Variants in FKBP3 observed in about 807,000 individuals in gnomAD.
FKBP3 encodes peptidyl-prolyl cis-trans isomerase FKBP3.
Under a neutral mutation model 30.6 loss-of-function variants are expected in FKBP3, and 21 were observed. The ratio of observed to expected loss-of-function variants is 0.69; its 90% confidence interval spans 0.49 to 0.99. The LOEUF is 0.99. Ranked by LOEUF, FKBP3 falls within the 50% of genes least tolerant of loss-of-function variation. The probability of loss-of-function intolerance (pLI) is 0.00; values close to 1 mark genes in which losing one functional copy is unlikely to be tolerated. For missense variants in FKBP3, 283 were observed against 261.6 expected (o/e 1.08, Z -0.56); for synonymous variants, 82 against 91.3 (o/e 0.90, Z 0.58).
At chr14:45,120,712 G>A (rs1369078281) in intron 5 of FKBP3, among the ~76,000 whole-genome samples, 175 bp downstream of exon 5, 3 of 152,026 alleles carry the variant, frequency 2.0e-5, no homozygotes, top group Non-Finnish European at 2.9e-5. Context: ...TATATGTAGC[G>A]AAACTGAGAC....
At chr14:45,122,561 T>C (rs1885008528) in intron 3 of FKBP3, among the ~76,000 whole-genome samples, 1 of 152,046 alleles carries the variant, frequency 6.6e-6, no homozygotes, top group Non-Finnish European at 1.5e-5. Context: ...AGTGCAGCGG[T>C]GTGATCTCGG....
intron 5 of FKBP3, 53 bp from the exon 6 acceptor site, chr14:45,118,178 A>AAT: frequency 9.7e-7 from 1 of 1,033,826 alleles, no homozygotes; most frequent in Admixed American, 2.1e-5. Context: ...AAGCACATGC[A>AAT]ATACCAGGAC....
Position 45,126,349 on chromosome 14 carries a change from G to A in FKBP3, c.318+3445C>T, listed in dbSNP as rs930821913. Among the ~76,000 whole-genome samples, 9 of 152,018 alleles carry A rather than the reference G, an allele frequency of 5.9e-5. No homozygotes were observed. The East Asian group carries it at 6.0e-4, about 10-fold the overall frequency. On this transcript the variant is annotated intron_variant, in intron 3 of 6. Coordinates refer to ENST00000396062, the MANE Select transcript of FKBP3 (RefSeq NM_002013.4). ...CTAAAAATACAAAAATTAACCGGGCGTTGTGGTGTGCGCCTGTAATCCCAG... is the reference window on the plus strand; with the variant it reads ...CTAAAAATACAAAAATTAACCGGGCATTGTGGTGTGCGCCTGTAATCCCAG...
intron 5 of FKBP3, among the ~76,000 whole-genome samples, chr14:45,120,427 G>A (rs1233171329): frequency 6.6e-6 from 1 of 152,176 alleles, no homozygotes; most frequent in Non-Finnish European, 1.5e-5. Context: ...TGAAAAGGCT[G>A]CAGAAACAAA....
At chr14:45,122,735 C>T (rs1885012124) in intron 3 of FKBP3, among the ~76,000 whole-genome samples, 2 of 151,906 alleles carry the variant, frequency 1.3e-5, no homozygotes, top group Non-Finnish European at 2.9e-5. Context: ...GAACTCCAGA[C>T]CTCGTGATCC....
At chr14:45,121,075 C>T in intron 4 of FKBP3, 121 bp from the exon 5 acceptor site, 1 of 804,838 alleles carries the variant, frequency 1.2e-6, no homozygotes, top group East Asian at 2.7e-5. Context: ...AATTACAATA[C>T]TATGTATTTT....
At chr14:45,121,006 AGAAATTTCCAT>A in intron 4 of FKBP3, 52 bp from the exon 5 acceptor site, 1 of 1,349,156 alleles carries the variant, frequency 7.4e-7, no homozygotes, top group Non-Finnish European at 1.0e-6. Flanking sequence ...TTTATTATTA[AGAAATTTCCAT>A]TGGAAATTAT....
chr14:45,129,866 A>G lies in FKBP3; in HGVS notation c.246T>C (p.Ser82=). The G allele has an allele frequency of 1.2e-6, 2 of 1,613,040 alleles. No homozygotes were observed. Among genetic ancestry groups the G allele is most frequent in the Non-Finnish European group, 1.7e-6 (2 of 1,179,424 alleles). ...FKGTESISKV[S]EQVKNVKLNE... is the part of the protein sequence containing the mutation. ...TAAGCTTCACATTTTTTACTTGCTC[A>G]GACACTTTACTTATACTTTCAGTAC... Residue 82 remains serine (S), a synonymous_variant, in exon 3 of 7, where the codon TCT becomes TCC. Transcript: ENST00000396062.
At chr14:45,126,056 G>A (rs1446084719) in intron 3 of FKBP3, among the ~76,000 whole-genome samples, 2 of 151,844 alleles carry the variant, frequency 1.3e-5, no homozygotes, top group East Asian at 2.0e-4. Flanking sequence ...ACACCACCAC[G>A]CCTGGCTACT....
At chr14:45,126,847 CT>C (rs1366155415) in intron 3 of FKBP3, among the ~76,000 whole-genome samples, 11 of 151,804 alleles carry the variant, frequency 7.2e-5, no homozygotes, top group Non-Finnish European at 1.6e-4. Flanking sequence ...ACTGAGTCTC[CT>C]TCTATTGCCC....
intron 1 of FKBP3, among the ~76,000 whole-genome samples, chr14:45,131,986 G>T (rs1219692072): frequency 5.3e-5 from 8 of 152,174 alleles, no homozygotes; most frequent in Non-Finnish European, 1.2e-4. Flanking sequence ...TCACGTAATT[G>T]TGAGGATTTC....
intron 5 of FKBP3, among the ~76,000 whole-genome samples, chr14:45,119,221 CA>C: frequency 6.6e-6 from 1 of 152,114 alleles, no homozygotes; most frequent in Non-Finnish European, 1.5e-5. Flanking sequence ...TGAAATGCAA[CA>C]ATCATATAAA....
At chr14:45,122,754 C>T (rs924658288) in intron 3 of FKBP3, among the ~76,000 whole-genome samples, 7 of 151,978 alleles carry the variant, frequency 4.6e-5, no homozygotes, top group Admixed American at 3.3e-4. Context: ...CCGCCCGCCT[C>T]GGCCTCCCAA....
intron 5 of FKBP3, among the ~76,000 whole-genome samples, chr14:45,119,933 A>G (rs979360184): frequency 1.3e-5 from 2 of 151,924 alleles, no homozygotes; most frequent in Non-Finnish European, 2.9e-5. Context: ...CTTGTGATCC[A>G]CCCACCTCGG....
intron 6 of FKBP3, among the ~76,000 whole-genome samples, chr14:45,116,855 CA>C (rs1007359645): frequency 6.7e-6 from 1 of 148,536 alleles, no homozygotes; most frequent in Non-Finnish European, 1.5e-5. Context: ...GACCCTGTCT[CA>C]AAAAAAAACC....
At chr14:45,126,554 A>G (rs1414920597) in intron 3 of FKBP3, among the ~76,000 whole-genome samples, 1 of 152,064 alleles carries the variant, frequency 6.6e-6, no homozygotes, top group Non-Finnish European at 1.5e-5. Flanking sequence ...CAGCAGCCAC[A>G]TTTTGGAAGT....
chr14:45,131,876 G>C (rs544263485), intron 1 of FKBP3, among the ~76,000 whole-genome samples: 6 of 152,126 alleles, frequency 3.9e-5, no homozygotes, highest in African/African-American at 1.4e-4. Flanking sequence ...AGGTAACAGC[G>C]GAATTGCTTT....
intron 3 of FKBP3, among the ~76,000 whole-genome samples, chr14:45,127,105 C>T (rs1885116308): frequency 7.4e-6 from 1 of 135,114 alleles, no homozygotes; most frequent in African/African-American, 3.2e-5. Context: ...CTGTACCTGA[C>T]TGACCCTGTC....
Position 45,115,935 on chromosome 14 carries a change from T to G in FKBP3, c.*263A>C, listed in dbSNP as rs1276331118. The G allele has an allele frequency of 1.8e-5, 7 of 393,270 alleles. No individual in the cohort carries two copies. The highest frequency in any genetic ancestry group is 7.1e-5 in the Admixed American group (2 of 28,136). 24.4% of individuals were successfully genotyped at this position (393,270 alleles called of 1,614,324 possible). A position where few individuals can be genotyped will look rare whatever the true frequency, so the allele number is the denominator to read the frequency against. On this transcript the variant is annotated 3_prime_UTR_variant, in exon 7 of 7. Transcript: ENST00000396062. ...GTGGATCAATTTTTATTGAGCCACT[T>G]AAGTTTACAACATGAGGTAAAAGGA...
Sources: allele counts gnomAD v4.1 joint callset (sites outside exome capture counted in the v4.1 genomes callset), GRCh38; gene constraint gnomAD v4.1.1; transcripts MANE v1.5; gene names NCBI Gene and HGNC (gene_info 2026-07-23, HGNC 2026-07-21).